Variants in LRCH3 observed in about 807,000 individuals in gnomAD.
The protein encoded by LRCH3 is DISP complex protein LRCH3.
A neutral mutation model predicts 104.5 loss-of-function variants in LRCH3; 68 were observed. The observed-to-expected ratio is 0.65, with a 90% CI of 0.54 to 0.80. The LOEUF (loss-of-function observed/expected upper bound fraction) is 0.80. Ranked by LOEUF, LRCH3 falls within the 30% of genes least tolerant of loss-of-function variation. The pLI is 0.00. For missense variants in LRCH3, 951 were observed against 953.9 expected, an observed-to-expected ratio of 1.00 and a Z score of 0.04; for synonymous variants, 344 against 361.3, an observed-to-expected ratio of 0.95 and a Z score of 0.54.
chr3:197,811,823 A>T lies in LRCH3; in HGVS notation c.263-3085A>T, dbSNP rs554551269. Among the ~76,000 whole-genome samples, 3 of 152,340 alleles carry T rather than the reference A, an allele frequency of 2.0e-5. No individual in the cohort carries two copies. The South Asian group carries it at 6.2e-4, about 32-fold the overall frequency. On this transcript the variant is annotated intron_variant, in intron 1 of 20. Transcript: ENST00000425562. ...GTCTCTGTTACACAGTTGTGAGACT[A>T]ATTTTTGAGATTTGAAGTTCAGGAA... is the stretch of plus-strand genomic sequence containing the variant.
chr3:197,855,813 AT>A (rs1740171078), intron 14 of LRCH3, among the ~76,000 whole-genome samples: 1 of 152,176 alleles, frequency 6.6e-6, no homozygotes, highest in Non-Finnish European at 1.5e-5. Context: ...TTCATATCTG[AT>A]CCTCCAAATT....
At chr3:197,850,295 A>C in intron 12 of LRCH3, 3 of 619,860 alleles carry the variant, frequency 4.8e-6, no homozygotes, top group African/African-American at 1.8e-5. Flanking sequence ...TATTTTAAGT[A>C]CATTATATAT....
intron 10 of LRCH3, among the ~76,000 whole-genome samples, 176 bp from the exon 11 acceptor site, chr3:197,847,233 C>T (rs574697450): frequency 1.3e-5 from 2 of 152,318 alleles, no homozygotes; most frequent in East Asian, 3.9e-4. Context: ...TCTGGTTTCA[C>T]TTAATGACTT....
chr3:197,881,804 T>C (rs1428509208), intron 20 of LRCH3: 1 of 985,266 alleles, frequency 1.0e-6, no homozygotes, highest in East Asian at 1.1e-4. Context: ...GAGCATAATA[T>C]CCGGTTTAGA....
chr3:197,845,683 T>A (rs1204417093), intron 10 of LRCH3, among the ~76,000 whole-genome samples: 2 of 151,878 alleles, frequency 1.3e-5, no homozygotes, highest in African/African-American at 4.8e-5. Flanking sequence ...GGTGAGTGGA[T>A]CACCTGAGGT....
At chr3:197,820,837 AGT>A (rs1327532823) in intron 4 of LRCH3, among the ~76,000 whole-genome samples, 3 of 150,964 alleles carry the variant, frequency 2.0e-5, no homozygotes, top group East Asian at 1.9e-4. Context: ...AGAGAGAGAG[AGT>A]GTGTGTGTGT....
In LRCH3 at chr3:197,879,531, A is replaced by G. The variant is rs552567655; in HGVS notation, c.2208+3756A>G. On this transcript the variant is annotated intron_variant, in intron 20 of 20. Transcript: ENST00000425562. ...CGTGGTGGCGGGCGCCTGTAGTCCC[A>G]GCTGCTCGGGAGGCTGAGGCGGGAG... Among the ~76,000 whole-genome samples the G allele has an allele frequency of 3.1e-3, 470 of 151,860 alleles. 2 individuals are homozygous for G. The highest frequency in any genetic ancestry group is 0.024 in the Middle Eastern group (7 of 294).
intron 19 of LRCH3, 51 bp from the exon 20 acceptor site, chr3:197,875,647 G>A: frequency 7.1e-7 from 1 of 1,406,706 alleles, no homozygotes; most frequent in Non-Finnish European, 9.7e-7. Flanking sequence ...GTGAGACCCT[G>A]TCCCAGAAAC....
At chr3:197,817,539 G>A (rs879374759) in intron 3 of LRCH3, among the ~76,000 whole-genome samples, 3 of 150,992 alleles carry the variant, frequency 2.0e-5, no homozygotes, top group Non-Finnish European at 2.9e-5. Flanking sequence ...AATTAAGAAC[G>A]GAAAGTACAA....
chr3:197,881,059 C>G, intron 20 of LRCH3: 1 of 1,115,680 alleles, frequency 9.0e-7, no homozygotes, highest in East Asian at 6.4e-5. Context: ...AGCTTTATTT[C>G]CAAGTCACAC....
intron 12 of LRCH3, chr3:197,850,784 A>T: frequency 8.1e-7 from 1 of 1,240,264 alleles, no homozygotes; most frequent in Non-Finnish European, 1.2e-6. Flanking sequence ...GGAATGGTAC[A>T]CGCTGTTTCT....
intron 20 of LRCH3, chr3:197,882,742 A>G (rs899920901): frequency 2.0e-6 from 2 of 985,356 alleles, no homozygotes; most frequent in Admixed American, 6.1e-5. Flanking sequence ...CGATGCACAC[A>G]TTAAGGAAGC....
intron 3 of LRCH3, among the ~76,000 whole-genome samples, chr3:197,819,214 C>A (rs554614654): frequency 2.0e-5 from 3 of 151,896 alleles, no homozygotes; most frequent in Admixed American, 2.0e-4. Flanking sequence ...CTTGTTGGTT[C>A]GCTCTTTTTT....
intron 1 of LRCH3, among the ~76,000 whole-genome samples, chr3:197,800,211 A>C (rs560743919): frequency 7.0e-4 from 107 of 152,108 alleles, no homozygotes; most frequent in African/African-American, 2.2e-3. Context: ...AAAAAAAAAA[A>C]CCCCACAGTT....
chr3:197,850,351 CTTTTTTTTT>C (rs199876882), intron 12 of LRCH3: 1 of 567,354 alleles, frequency 1.8e-6, no homozygotes, highest in African/African-American at 2.2e-5. Context: ...ACCATTTTTT[CTTTTTTTTT>C]TTTTTTTTCC....
Position 197,825,701 on chromosome 3 carries a change from G to A in LRCH3, c.641-1177G>A, listed in dbSNP as rs113113033. Among the ~76,000 whole-genome samples, 21 of 151,498 alleles carry A rather than the reference G, an allele frequency of 1.4e-4. No homozygotes were observed. The East Asian group carries it at 3.3e-3, about 24-fold the overall frequency. The stretch of plus-strand genomic sequence containing the variant: ...TCACCGTGTTAGCCAGGATGGTCTC[G>A]ATCTCCTGACCTCGTGATCCGCCTG... On this transcript the variant is annotated intron_variant, in intron 4 of 20. Transcript: ENST00000425562.
intron 8 of LRCH3, among the ~76,000 whole-genome samples, chr3:197,834,392 T>C (rs1272292037): frequency 6.6e-6 from 1 of 152,258 alleles, no homozygotes; most frequent in Non-Finnish European, 1.5e-5. Flanking sequence ...TCTACATTGC[T>C]GACCTCTAGC....
At chr3:197,806,467 C>T (rs1208023008) in intron 1 of LRCH3, among the ~76,000 whole-genome samples, 2 of 151,842 alleles carry the variant, frequency 1.3e-5, no homozygotes, top group Non-Finnish European at 2.9e-5. Flanking sequence ...ACAAAAGGAA[C>T]CCAGAGAAAA....
chr3:197,857,079 C>T (rs1580831479), intron 14 of LRCH3, among the ~76,000 whole-genome samples: 1 of 151,988 alleles, frequency 6.6e-6, no homozygotes, highest in African/African-American at 2.4e-5. Flanking sequence ...CCCTCAAGCT[C>T]CTGTTAATAT....
Sources: allele counts gnomAD v4.1 joint callset (sites outside exome capture counted in the v4.1 genomes callset), GRCh38; gene constraint gnomAD v4.1.1; transcripts MANE v1.5; gene names NCBI Gene and HGNC (gene_info 2026-07-23, HGNC 2026-07-21).